Variants in INSYN2A observed in about 807,000 individuals in gnomAD.
The protein encoded by INSYN2A is family with sequence similarity 196 member A.
INSYN2A carries 17 observed loss-of-function variants against 39.4 expected under a neutral mutation model. That is an observed-to-expected ratio of 0.43 (90% CI 0.30 to 0.65). The LOEUF (loss-of-function observed/expected upper bound fraction) is 0.65, where lower values mean the gene tolerates loss of function less well. Ranked by LOEUF, INSYN2A falls within the 30% of genes least tolerant of loss-of-function variation. The pLI is 0.14. For missense variants in INSYN2A, 595 were observed against 631.2 expected, an observed-to-expected ratio of 0.94 and a Z score of 0.61; for synonymous variants, 255 against 265.7, an observed-to-expected ratio of 0.96 and a Z score of 0.39.
chr10:127,158,721 A>T (rs2133615589), intron 4 of INSYN2A, among the ~76,000 whole-genome samples: 1 of 152,052 alleles, frequency 6.6e-6, no homozygotes, highest in African/African-American at 2.4e-5. Context: ...CCCCATATGA[A>T]CTCCTTTGGG....
At chr10:127,182,298 T>C (rs2055811595) in intron 2 of INSYN2A, among the ~76,000 whole-genome samples, 1 of 152,150 alleles carries the variant, frequency 6.6e-6, no homozygotes, top group South Asian at 2.1e-4. Flanking sequence ...TAGAAAACAC[T>C]CTTAACGAAC....
In INSYN2A at chr10:127,176,895, A is replaced by G. The variant is rs1173584533; in HGVS notation, c.-24T>C. ...GACTTACTGGAGCTGCCACGTCTCGAGCAGATAAATGTGGAGAGCCCTCCG... is the reference window on the plus strand; with the variant it reads ...GACTTACTGGAGCTGCCACGTCTCGGGCAGATAAATGTGGAGAGCCCTCCG... On this transcript the variant is annotated 5_prime_UTR_variant, in exon 3 of 6. Transcript: ENST00000522781. This position sits in a 1 kb window ranked among gnomAD's most constrained non-coding sequence, Gnocchi z 4.4. 1 of 153,766 alleles carries G rather than the reference A, an allele frequency of 6.5e-6. No homozygotes were observed. The highest frequency in any genetic ancestry group is 1.9e-4 in the East Asian group (1 of 5,216). 9.5% of individuals were successfully genotyped at this position (153,766 alleles called of 1,614,324 possible). A position where few individuals can be genotyped will look rare whatever the true frequency, so the allele number is the denominator to read the frequency against.
chr10:127,142,717 C>G (rs2051385646), intron 5 of INSYN2A, among the ~76,000 whole-genome samples: 1 of 152,194 alleles, frequency 6.6e-6, no homozygotes, highest in Non-Finnish European at 1.5e-5. Context: ...CACCTCCATT[C>G]TCCCTCCAGA....
chr10:127,193,539 G>C (rs1443057869), intron 1 of INSYN2A, among the ~76,000 whole-genome samples: 1 of 152,300 alleles, frequency 6.6e-6, no homozygotes, highest in East Asian at 1.9e-4. Flanking sequence ...GAGTTCAGTA[G>C]TTGTCTCTAA....
chr10:127,178,721 G>A (rs774515577), intron 2 of INSYN2A, among the ~76,000 whole-genome samples: 2 of 152,188 alleles, frequency 1.3e-5, no homozygotes, highest in Non-Finnish European at 2.9e-5. Flanking sequence ...TTAGAGAGGA[G>A]AGAAAAGGCA....
chr10:127,165,129 T>C (rs1248279891), intron 4 of INSYN2A, among the ~76,000 whole-genome samples: 1 of 152,228 alleles, frequency 6.6e-6, no homozygotes, highest in Non-Finnish European at 1.5e-5. Flanking sequence ...TCTTGTACTG[T>C]CACAGAGGTT....
At chr10:127,144,179 G>T (rs1013163968) in intron 5 of INSYN2A, among the ~76,000 whole-genome samples, 1 of 152,098 alleles carries the variant, frequency 6.6e-6, no homozygotes, top group Non-Finnish European at 1.5e-5. Flanking sequence ...TCCCTCTCCA[G>T]TTACCAGAGT....
intron 4 of INSYN2A, among the ~76,000 whole-genome samples, chr10:127,168,470 G>A (rs1439188641): frequency 6.6e-6 from 1 of 152,228 alleles, no homozygotes; most frequent in African/African-American, 2.4e-5. Flanking sequence ...TTTCTGTGAT[G>A]CATCTGGCCA....
At chr10:127,164,183 T>C in intron 4 of INSYN2A, among the ~76,000 whole-genome samples, 1 of 80,286 alleles carries the variant, frequency 1.2e-5, no homozygotes, top group African/African-American at 6.2e-5. Context: ...TTTTTTTTTT[T>C]TTTTTTTTTT....
chr10:127,173,650 A>G (rs926403440), intron 4 of INSYN2A, among the ~76,000 whole-genome samples: 1 of 152,126 alleles, frequency 6.6e-6, no homozygotes, highest in African/African-American at 2.4e-5. Context: ...TTCACTACCA[A>G]CTATATCAAC....
chr10:127,177,503 C>T (rs1391102447), intron 2 of INSYN2A, among the ~76,000 whole-genome samples: 1 of 152,232 alleles, frequency 6.6e-6, no homozygotes, highest in African/African-American at 2.4e-5. Flanking sequence ...CTTTTCCCCC[C>T]TTGTGTTTGA....
intron 2 of INSYN2A, among the ~76,000 whole-genome samples, chr10:127,191,833 G>T (rs1486565616): frequency 6.6e-6 from 1 of 152,196 alleles, no homozygotes; most frequent in Non-Finnish European, 1.5e-5. Context: ...TGGAACCCCT[G>T]CTTTGGGATA....
At chr10:127,159,025 C>G (rs1482566527) in intron 4 of INSYN2A, among the ~76,000 whole-genome samples, 2 of 152,098 alleles carry the variant, frequency 1.3e-5, no homozygotes, top group Non-Finnish European at 2.9e-5. Flanking sequence ...ACTCCTTGGT[C>G]AAGGTAGGCT....
rs377731543 is a variant in INSYN2A at position 127,149,578 on chromosome 10, C to A, written c.1256+4274G>T. Among the ~76,000 whole-genome samples the A allele has an allele frequency of 5.3e-5, 8 of 152,304 alleles. No homozygotes were observed. In the East Asian group the frequency reaches 1.5e-3, roughly 29 times the overall value. The stretch of plus-strand genomic sequence containing the variant: ...TCCCTGGGCCAGGCATTACTGGAAA[C>A]ACGGTGGATAGCTATGCTGCTCGGA... On this transcript the variant is annotated intron_variant, in intron 5 of 5. Transcript: ENST00000522781.
intron 4 of INSYN2A, among the ~76,000 whole-genome samples, chr10:127,156,590 C>A (rs1282523817): frequency 3.6e-5 from 3 of 82,758 alleles, no homozygotes; most frequent in African/African-American, 1.4e-4. Flanking sequence ...TTTTTGAGAC[C>A]AAGTTTCGCT....
At chr10:127,161,308 A>G (rs1019449734) in intron 4 of INSYN2A, among the ~76,000 whole-genome samples, 2 of 152,204 alleles carry the variant, frequency 1.3e-5, no homozygotes, top group African/African-American at 4.8e-5. Context: ...GTTGATTTTC[A>G]TAACCAACTC....
chr10:127,192,041 C>T (rs966758423), intron 2 of INSYN2A, among the ~76,000 whole-genome samples: 5 of 152,198 alleles, frequency 3.3e-5, no homozygotes, highest in Non-Finnish European at 7.3e-5. Flanking sequence ...TAAACTTCAA[C>T]AAGCATTTTG....
intron 5 of INSYN2A, among the ~76,000 whole-genome samples, chr10:127,145,646 G>A (rs970533323): frequency 6.6e-6 from 1 of 152,134 alleles, no homozygotes; most frequent in Non-Finnish European, 1.5e-5. Context: ...TTGAAGATGG[G>A]AGTGCGTCTG....
At chr10:127,151,560 G>T (rs1214402892) in intron 5 of INSYN2A, among the ~76,000 whole-genome samples, 1 of 152,068 alleles carries the variant, frequency 6.6e-6, no homozygotes, top group Non-Finnish European at 1.5e-5. Flanking sequence ...TTTATAAGGG[G>T]GTGACAGTCG....
Sources: allele counts gnomAD v4.1 joint callset (sites outside exome capture counted in the v4.1 genomes callset), GRCh38; gene constraint gnomAD v4.1.1; non-coding constraint Gnocchi (gnomAD v3.1); transcripts MANE v1.5; gene names NCBI Gene and HGNC (gene_info 2026-07-23, HGNC 2026-07-21).